MMRN2: variants seen among roughly 807,000 people sequenced by gnomAD.
The protein encoded by MMRN2 is multimerin 2.
In MMRN2, 53 loss-of-function variants were observed where a neutral mutation model predicts 68.8. The ratio of observed to expected loss-of-function variants is 0.77; its 90% CI spans 0.62 to 0.97. The LOEUF (loss-of-function observed/expected upper bound fraction) is 0.97, where lower values mean the gene tolerates loss of function less well. Ranked by LOEUF, MMRN2 falls within the 50% of genes least tolerant of loss-of-function variation. The pLI, the probability that MMRN2 is intolerant of heterozygous loss-of-function variation, is 0.00. For synonymous variants in MMRN2, 564 were observed against 551.6 expected, an observed-to-expected ratio of 1.02 and a Z score of -0.32; for missense variants, 1,266 against 1,259.5, an observed-to-expected ratio of 1.01 and a Z score of -0.08.
In MMRN2 at chr10:86,936,663, T is replaced by C; in HGVS notation, c.*80A>G. On this transcript the variant is annotated 3_prime_UTR_variant, in exon 7 of 7. Transcript: ENST00000372027. Reference sequence around the variant, plus strand: ...GAAGAGACAGACCAACTGAATGACCTCCAGCCCATCCTTGGCCAGAGCCCC... The same window carrying C: ...GAAGAGACAGACCAACTGAATGACCCCCAGCCCATCCTTGGCCAGAGCCCC... 2 of 1,541,468 alleles carry C rather than the reference T, an allele frequency of 1.3e-6. No individual in the cohort carries two copies. The highest frequency in any genetic ancestry group is 2.3e-5 in the East Asian group (1 of 44,346).
At chr10:86,944,192 C>T in intron 5 of MMRN2, 64 bp from the exon 6 acceptor site, 1 of 1,591,668 alleles carries the variant, frequency 6.3e-7, no homozygotes, top group Non-Finnish European at 8.6e-7. Context: ...AGGCTGGGAC[C>T]AGCGGGGTCC....
rs1843883354 is a variant in MMRN2 at position 86,936,642 on chromosome 10, A to G, written c.*101T>C. The G allele has an allele frequency of 7.0e-7, 1 of 1,435,762 alleles. No individual in the cohort carries two copies. The highest frequency in any genetic ancestry group is 1.4e-5 in the African/African-American group (1 of 70,808). 88.9% of individuals were successfully genotyped at this position (1,435,762 alleles called of 1,614,324 possible). A position where few individuals can be genotyped will look rare whatever the true frequency, so the allele number is the denominator to read the frequency against. ...TCTTTGCAGAAGGTTTCCAGGGAAG[A>G]GACAGACCAACTGAATGACCTCCAG... is the stretch of plus-strand genomic sequence containing the variant. On this transcript the variant is annotated 3_prime_UTR_variant, in exon 7 of 7. Transcript: ENST00000372027.
intron 1 of MMRN2, chr10:86,945,931 A>G: frequency 8.9e-7 from 1 of 1,119,872 alleles, no homozygotes; most frequent in South Asian, 1.7e-5. Context: ...GAGCCAGCAG[A>G]GAGGCTGAGA....
intron 1 of MMRN2, among the ~76,000 whole-genome samples, chr10:86,946,004 A>G (rs1359419306): frequency 1.3e-5 from 2 of 152,180 alleles, no homozygotes; most frequent in Non-Finnish European, 2.9e-5. Context: ...TAGCCAACAA[A>G]ACTAACAGCC....
intron 1 of MMRN2, among the ~76,000 whole-genome samples, chr10:86,947,812 G>A (rs1844089918): frequency 6.6e-6 from 1 of 152,156 alleles, no homozygotes; most frequent in African/African-American, 2.4e-5. Context: ...CATAAAAATA[G>A]CCAACCAGAA....
At chr10:86,951,560 A>C (rs1355919376) in intron 1 of MMRN2, among the ~76,000 whole-genome samples, 4 of 152,268 alleles carry the variant, frequency 2.6e-5, no homozygotes, top group Non-Finnish European at 5.9e-5. Context: ...AAAAGAAGTC[A>C]ATGACAACAT....
intron 1 of MMRN2, 87 bp from the exon 2 acceptor site, chr10:86,945,776 T>G (rs1412269917): frequency 6.3e-7 from 1 of 1,596,864 alleles, no homozygotes; most frequent in African/African-American, 1.3e-5. Context: ...CCTCGCCTCC[T>G]GCCGGAGCAG....
rs1031464588 is a variant in MMRN2 at position 86,945,401 on chromosome 10, A to G, written c.369T>C (p.Pro123=). The G allele has an allele frequency of 3.2e-6, 5 of 1,585,048 alleles. No homozygotes were observed. In the Admixed American group the frequency reaches 7.2e-5, roughly 23 times the overall value. The change falls in exon 3 of 7, where the codon CCT becomes CCC. Residue 123 remains proline (P), a synonymous_variant. Transcript: ENST00000372027. ...VLTSLAWRCC[P]GYTGPNCEHH... ...GCTCGCAGTTGGGGCCCGTGTAGCC[A>G]GGGCAGCACCTCCAGGCCAAAGAGG...
chr10:86,940,800 G>A (rs940013010), intron 6 of MMRN2, among the ~76,000 whole-genome samples: 1 of 152,220 alleles, frequency 6.6e-6, no homozygotes, highest in Admixed American at 6.5e-5. Flanking sequence ...CCTGTGTCTG[G>A]GTGGGGAGAG....
At chr10:86,955,002 A>G (rs887269448) in intron 1 of MMRN2, among the ~76,000 whole-genome samples, 1 of 152,118 alleles carries the variant, frequency 6.6e-6, no homozygotes, top group Admixed American at 6.5e-5. Flanking sequence ...TGTAAGGGTC[A>G]GGAGAAGCCT....
At position 86,943,713 on chromosome 10, in the gene MMRN2, C is replaced by A; in HGVS notation, c.1071G>T (p.Thr357=). The A allele has an allele frequency of 6.2e-7, 1 of 1,609,304 alleles. No homozygotes were observed. The highest frequency in any genetic ancestry group is 8.5e-7 in the Non-Finnish European group (1 of 1,179,998). The change falls in exon 6 of 7, where the codon ACG becomes ACT. Residue 357 remains threonine, a synonymous_variant. Coordinates refer to ENST00000372027, the MANE Select transcript of MMRN2 (RefSeq NM_024756.3). The surrounding 1 kb of genome is among the most constrained non-coding windows in gnomAD (Gnocchi z 4.2). ...GCTCAGGCCTTGCCCCAGCCCCAGG[C>A]GTTGCCAACACCAGACTGCCATTGG... is the stretch of plus-strand genomic sequence containing the variant. ...PGTNGSLVLA[T]PGAGARPEPD...
chr10:86,942,632 C>T lies in MMRN2; in HGVS notation c.2152G>A (p.Glu718Lys), dbSNP rs1305666172. Reference protein sequence around the residue: ...VKNVGRCCEAEAGAGAASLNA... With the variant: ...VKNVGRCCEAKAGAGAASLNA... ...AGGGAGGCGGCCCCGGCCCCGGCCT[C>T]GGCCTCGCAGCACCGCCCGACATTC... The change falls in exon 6 of 7, where the codon GAG (glutamate) becomes AAG (lysine). Residue 718 changes from glutamate (E) to lysine (K), a missense_variant. Glu to Lys is a moderately conservative substitution (Grantham distance 56). Transcript: ENST00000372027. 6 of 1,602,008 alleles carry T rather than the reference C, an allele frequency of 3.7e-6. No individual in the cohort carries two copies. The highest frequency in any genetic ancestry group is 1.7e-5 in the Admixed American group (1 of 59,952).
Position 86,957,401 on chromosome 10 carries a change from G to A in MMRN2, c.141C>T (p.Asp47=). 1 of 1,613,528 alleles carries A rather than the reference G, an allele frequency of 6.2e-7. No individual in the cohort carries two copies. Among genetic ancestry groups the A allele is most frequent in the South Asian group, 1.1e-5 (1 of 91,062 alleles). ...TPGVWKAEAE[D]TGKDPVGRNW... Reference sequence around the variant, plus strand: ...ACCGTCCTACGGGGTCCTTGCCGGTGTCCTCAGCCTCTGCCTTCCAGACCC... The same window carrying A: ...ACCGTCCTACGGGGTCCTTGCCGGTATCCTCAGCCTCTGCCTTCCAGACCC... Residue 47 remains aspartate (D), a synonymous_variant, in exon 1 of 7, where the codon GAC becomes GAT. Coordinates refer to ENST00000372027, the MANE Select transcript of MMRN2 (RefSeq NM_024756.3).
chr10:86,938,885 G>C (rs1004063459), intron 6 of MMRN2, among the ~76,000 whole-genome samples: 1 of 152,218 alleles, frequency 6.6e-6, no homozygotes, highest in East Asian at 1.9e-4. Context: ...CAAATCAGCC[G>C]GGCGCAGTGG....
intron 1 of MMRN2, among the ~76,000 whole-genome samples, chr10:86,951,997 G>A (rs746216065): frequency 1.8e-4 from 27 of 152,056 alleles, no homozygotes; most frequent in East Asian, 3.9e-4. Context: ...GCAGTGAGCC[G>A]ACATTGAACC....
At chr10:86,939,806 GGTGTGTGTGTGTGTGTGT>G (rs769816445) in intron 6 of MMRN2, among the ~76,000 whole-genome samples, 1 of 146,626 alleles carries the variant, frequency 6.8e-6, no homozygotes, top group Non-Finnish European at 1.5e-5. Flanking sequence ...GGAAATTTGG[GGTGTGTGTGTGTGTGTGT>G]GTGTGTGTGT....
chr10:86,944,339 T>C lies in MMRN2; in HGVS notation c.578A>G (p.Asp193Gly), dbSNP rs1345413699. 1.2e-6 allele frequency: 2 copies of C among 1,613,908 alleles called. No individual in the cohort carries two copies. The highest frequency in any genetic ancestry group is 2.2e-5 in the South Asian group (2 of 91,068). Residue 193 changes from aspartate (D) to glycine (G), a missense_variant, in exon 5 of 7, where the codon GAC (aspartate) becomes GGC (glycine). By Grantham distance (94) the Asp-to-Gly change is moderately conservative. Transcript: ENST00000372027. ...DLQNDVHRVA[D>G]SLPGLWKALP... ...GGCTTTCCACAGGCCTGGCAGGCTG[T>C]CTGCCACCCGGTGCACATCATTCTG... is the stretch of plus-strand genomic sequence containing the variant.
chr10:86,935,903 C>T lies in MMRN2; in HGVS notation c.*840G>A, dbSNP rs1843870597. ...ACATGGCTGGGGAGGCCTCAGGAAA[C>T]TTACAATCATGGCAGACAGTGAAGA... On this transcript the variant is annotated 3_prime_UTR_variant, in exon 7 of 7. Coordinates refer to ENST00000372027, the MANE Select transcript of MMRN2 (RefSeq NM_024756.3). The T allele has an allele frequency of 6.6e-6, 1 of 152,420 alleles. No homozygotes were observed. The highest frequency in any genetic ancestry group is 2.1e-4 in the South Asian group (1 of 4,834). 9.4% of individuals were successfully genotyped at this position (152,420 alleles called of 1,614,324 possible). A position where few individuals can be genotyped will look rare whatever the true frequency, so the allele number is the denominator to read the frequency against.
At chr10:86,956,657 A>G (rs997176340) in intron 1 of MMRN2, among the ~76,000 whole-genome samples, 1 of 152,158 alleles carries the variant, frequency 6.6e-6, no homozygotes, top group African/African-American at 2.4e-5. Context: ...CTCCTCTGTA[A>G]GTGGGGCTGT....
Sources: allele counts gnomAD v4.1 joint callset (sites outside exome capture counted in the v4.1 genomes callset), GRCh38; gene constraint gnomAD v4.1.1; non-coding constraint Gnocchi (gnomAD v3.1); transcripts MANE v1.5; gene names NCBI Gene and HGNC (gene_info 2026-07-23, HGNC 2026-07-21).